KCNH7: variants seen among roughly 807,000 people sequenced by gnomAD.
KCNH7 encodes voltage-gated inwardly rectifying potassium channel KCNH7.
A neutral mutation model predicts 120.8 loss-of-function variants in KCNH7; 49 were observed. The ratio of observed to expected loss-of-function variants is 0.41; its 90% CI spans 0.32 to 0.51. The LOEUF (loss-of-function observed/expected upper bound fraction) is 0.51, where lower values mean the gene tolerates loss of function less well. Among genes scored for constraint, KCNH7 ranks in the 20% least tolerant of loss-of-function variants. The pLI is 0.38. For synonymous variants in KCNH7, 547 were observed against 516.1 expected, an observed-to-expected ratio of 1.06 and a Z score of -0.81; for missense variants, 1,097 against 1,446.6, an observed-to-expected ratio of 0.76 and a Z score of 3.92.
At chr2:162,791,366 G>T (rs1388688896) in intron 2 of KCNH7, among the ~76,000 whole-genome samples, 1 of 151,922 alleles carries the variant, frequency 6.6e-6, no homozygotes. Context: ...TTTCTAAATT[G>T]CTTTGGGCAG....
chr2:162,772,939 C>T (rs146647879), intron 2 of KCNH7, among the ~76,000 whole-genome samples: 1 of 152,284 alleles, frequency 6.6e-6, no homozygotes, highest in East Asian at 1.9e-4. Context: ...AAAAATCCTA[C>T]ACATGGCTAA....
chr2:162,596,392 T>G (rs1481224096), intron 2 of KCNH7, among the ~76,000 whole-genome samples: 12 of 151,958 alleles, frequency 7.9e-5, no homozygotes, highest in Non-Finnish European at 1.8e-4. Context: ...AGCCCAGAAA[T>G]AAACTTATGT....
chr2:162,763,173 T>G (rs574997104), intron 2 of KCNH7, among the ~76,000 whole-genome samples: 185 of 152,232 alleles, frequency 1.2e-3, no homozygotes, highest in African/African-American at 4.3e-3. Flanking sequence ...CTGTACAAAT[T>G]TAGTTTCATA....
intron 5 of KCNH7, among the ~76,000 whole-genome samples, chr2:162,510,365 C>T (rs1691029366): frequency 1.3e-5 from 2 of 151,534 alleles, no homozygotes; most frequent in African/African-American, 4.8e-5. Context: ...CAGCTAGTAT[C>T]TCTGTCCAGT....
intron 2 of KCNH7, among the ~76,000 whole-genome samples, chr2:162,779,578 A>G (rs1294086101): frequency 1.3e-5 from 2 of 152,154 alleles, no homozygotes; most frequent in Non-Finnish European, 2.9e-5. Context: ...CTAAGTTGTT[A>G]TATGTACTTC....
intron 2 of KCNH7, among the ~76,000 whole-genome samples, chr2:162,749,836 A>G (rs1450907312): frequency 6.6e-6 from 1 of 152,202 alleles, no homozygotes; most frequent in Non-Finnish European, 1.5e-5. Context: ...AAAGATGATA[A>G]TAAGAATTGA....
At chr2:162,651,590 A>G (rs1248788208) in intron 2 of KCNH7, among the ~76,000 whole-genome samples, 1 of 151,994 alleles carries the variant, frequency 6.6e-6, no homozygotes, top group Non-Finnish European at 1.5e-5. Flanking sequence ...CATTTTCTTT[A>G]TCCAATCTGT....
intron 4 of KCNH7, among the ~76,000 whole-genome samples, chr2:162,515,445 T>G (rs1015745545): frequency 1.3e-5 from 2 of 151,820 alleles, no homozygotes; most frequent in Non-Finnish European, 2.9e-5. Context: ...GTCAGTAAAA[T>G]GCACTGATTA....
intron 2 of KCNH7, among the ~76,000 whole-genome samples, chr2:162,540,274 G>A (rs1226731921): frequency 6.7e-6 from 1 of 149,832 alleles, no homozygotes. Context: ...TACTAATATT[G>A]CTAGACTACA....
At chr2:162,519,003 T>TA (rs905524120) in intron 3 of KCNH7, among the ~76,000 whole-genome samples, 1 of 151,672 alleles carries the variant, frequency 6.6e-6, no homozygotes, top group Non-Finnish European at 1.5e-5. Context: ...TCACTAGTAG[T>TA]AAAAACTGCA....
At chr2:162,778,748 T>A (rs749847558) in intron 2 of KCNH7, among the ~76,000 whole-genome samples, 27 of 152,330 alleles carry the variant, frequency 1.8e-4, no homozygotes, top group Non-Finnish European at 2.2e-4. Flanking sequence ...ATTTACCTCA[T>A]TATGAAACTG....
intron 6 of KCNH7, among the ~76,000 whole-genome samples, chr2:162,464,141 A>G (rs1252502441): frequency 6.6e-6 from 1 of 152,026 alleles, no homozygotes; most frequent in African/African-American, 2.4e-5. Context: ...AAATGCAAAG[A>G]AATAAATATG....
At chr2:162,373,876 ATTAAGAG>A (rs1252075306) in intron 14 of KCNH7, among the ~76,000 whole-genome samples, 1 of 152,206 alleles carries the variant, frequency 6.6e-6, no homozygotes. Flanking sequence ...TCCTGTTCAT[ATTAAGAG>A]TTAACAGAAA....
intron 2 of KCNH7, among the ~76,000 whole-genome samples, chr2:162,765,610 T>C (rs1487188797): frequency 1.3e-5 from 2 of 152,162 alleles, no homozygotes; most frequent in African/African-American, 2.4e-5. Context: ...TTGAATTTAA[T>C]AGAGGGGGTG....
At chr2:162,472,641 G>A (rs1349223211) in intron 6 of KCNH7, among the ~76,000 whole-genome samples, 1 of 152,114 alleles carries the variant, frequency 6.6e-6, no homozygotes, top group Admixed American at 6.5e-5. Flanking sequence ...ACTGTTGGTG[G>A]GACTGTAAAC....
At chr2:162,559,020 AG>A (rs1692960812) in intron 2 of KCNH7, among the ~76,000 whole-genome samples, 1 of 142,682 alleles carries the variant, frequency 7.0e-6, no homozygotes, top group Non-Finnish European at 1.5e-5. Context: ...GCGTCACTGC[AG>A]TCCAGCCTGG....
chr2:162,518,564 A>G (rs1447832754), intron 3 of KCNH7, among the ~76,000 whole-genome samples: 10 of 151,808 alleles, frequency 6.6e-5, no homozygotes, highest in Non-Finnish European at 1.5e-5. Flanking sequence ...AGTATAGCCT[A>G]CATACATGTA....
chr2:162,537,817 A>C (rs1032812712), intron 2 of KCNH7, among the ~76,000 whole-genome samples: 1 of 152,116 alleles, frequency 6.6e-6, no homozygotes. Context: ...GGTATGACTC[A>C]GTTTGCAATC....
intron 2 of KCNH7, among the ~76,000 whole-genome samples, chr2:162,659,306 T>C (rs985416719): frequency 6.6e-6 from 1 of 152,140 alleles, no homozygotes; most frequent in South Asian, 2.1e-4. Context: ...GCATATTGCA[T>C]ACTGGAATAT....
Sources: gnomAD v4.1 joint callset for allele counts (sites outside exome capture counted in the v4.1 genomes callset) on GRCh38, gnomAD v4.1.1 for gene constraint, MANE v1.5 for transcripts, NCBI Gene and HGNC (gene_info 2026-07-23, HGNC 2026-07-21) for gene names.